CCDC170: variants seen among roughly 807,000 people sequenced by gnomAD.
The protein encoded by CCDC170 is coiled-coil domain containing 170, also known as coiled-coil domain-containing protein 170.
CCDC170 carries 69 observed loss-of-function variants against 72.6 expected under a neutral mutation model. The ratio of observed to expected loss-of-function variants is 0.95; its 90% CI spans 0.78 to 1.16. The LOEUF is 1.16. Ranked by LOEUF, CCDC170 falls within the 50% of genes most tolerant of loss-of-function variation. CCDC170 has a pLI of 0.00. For missense variants in CCDC170, 852 were observed against 832.5 expected (o/e 1.02, Z -0.29); for synonymous variants, 300 against 303.9 (o/e 0.99, Z 0.13).
chr6:151,516,303 A>G (rs969577971), intron 1 of CCDC170, among the ~76,000 whole-genome samples: 1 of 152,184 alleles, frequency 6.6e-6, no homozygotes, highest in Non-Finnish European at 1.5e-5. Context: ...TCCATTTTCC[A>G]TCAAGGCTTG....
At chr6:151,547,244 G>A (rs1782790849) in intron 4 of CCDC170, among the ~76,000 whole-genome samples, 1 of 152,188 alleles carries the variant, frequency 6.6e-6, no homozygotes, top group Non-Finnish European at 1.5e-5. Flanking sequence ...ACTGTTCTGA[G>A]TGCTGGAGAG....
At chr6:151,518,532 GT>G (rs1782268887) in intron 1 of CCDC170, among the ~76,000 whole-genome samples, 1 of 152,206 alleles carries the variant, frequency 6.6e-6, no homozygotes, top group African/African-American at 2.4e-5. Context: ...TATTAATAAA[GT>G]AAAGGAATAA....
chr6:151,593,365 T>G, intron 8 of CCDC170, 85 bp downstream of exon 8: 1 of 1,380,138 alleles, frequency 7.2e-7, no homozygotes, highest in Non-Finnish European at 1.0e-6. Flanking sequence ...TGCCACCATG[T>G]TTACCAGTGT....
chr6:151,573,456 C>T lies in CCDC170; in HGVS notation c.1057C>T (p.Arg353Ter), dbSNP rs751935416. ...TGAGGACACCATTTTGGAGAAGATT[C>T]GAGAAATGGACAGCCGGGAAGAAAG... ...STEDTILEKIREMDSREESRD... is the reference protein window; with the variant it reads ...STEDTILEKI Residue 353 changes from arginine to a stop codon, truncating the protein, a stop_gained, in exon 6 of 11, where the codon CGA (arginine) becomes TGA (stop). Transcript: ENST00000239374. LOFTEE classifies it high-confidence loss of function. The T allele has an allele frequency of 4.2e-5, 68 of 1,613,856 alleles. No homozygotes were observed. Among genetic ancestry groups the T allele is most frequent in the African/African-American group, 6.7e-5 (5 of 74,862 alleles).
chr6:151,577,911 A>G (rs1776327060), intron 6 of CCDC170, among the ~76,000 whole-genome samples: 1 of 152,232 alleles, frequency 6.6e-6, no homozygotes, highest in African/African-American at 2.4e-5. Flanking sequence ...TTCTGACACA[A>G]AAATTGTCAT....
intron 5 of CCDC170, among the ~76,000 whole-genome samples, chr6:151,549,024 C>G: frequency 6.6e-6 from 1 of 152,264 alleles, no homozygotes; most frequent in South Asian, 2.1e-4. Context: ...CTCAGCCTCC[C>G]GAGTAGCTGG....
chr6:151,519,387 T>C (rs1782285371), intron 1 of CCDC170, among the ~76,000 whole-genome samples: 1 of 152,196 alleles, frequency 6.6e-6, no homozygotes, highest in African/African-American at 2.4e-5. Context: ...ACCCTATGGT[T>C]GTCTTCCCTT....
intron 8 of CCDC170, among the ~76,000 whole-genome samples, chr6:151,595,259 T>C (rs73780809): frequency 0.081 from 12,371 of 152,128 alleles, 546 homozygotes; most frequent in African/African-American, 0.11. Context: ...ATGTGGAGCC[T>C]AGGAAGCTTC....
At chr6:151,594,646 C>T (rs1339451967) in intron 8 of CCDC170, among the ~76,000 whole-genome samples, 1 of 149,024 alleles carries the variant, frequency 6.7e-6, no homozygotes, top group Non-Finnish European at 1.5e-5. Flanking sequence ...GTGGAATTTT[C>T]TTTTCTTTTC....
chr6:151,578,867 G>C (rs931553690), intron 6 of CCDC170, among the ~76,000 whole-genome samples: 3 of 152,176 alleles, frequency 2.0e-5, no homozygotes, highest in Non-Finnish European at 4.4e-5. Context: ...TCTTTCTTCA[G>C]TGTAGAACTT....
rs763833974 is a variant in CCDC170, at chr6:151,536,376, G to C, written c.116G>C (p.Arg39Pro). The C allele has an allele frequency of 2.5e-6, 4 of 1,614,004 alleles. No individual in the cohort carries two copies. The African/African-American group carries it at 5.3e-5, about 22-fold the overall frequency. Reference protein sequence around the residue: ...PVTREQLNHYRNVAQNARSEL... With the variant: ...PVTREQLNHYPNVAQNARSEL... Reference sequence around the variant, plus strand: ...ACGCGGGAGCAGTTAAACCACTATCGGAATGTGGCTCAAAATGCTCGAAGT... The same window carrying C: ...ACGCGGGAGCAGTTAAACCACTATCCGAATGTGGCTCAAAATGCTCGAAGT... Residue 39 changes from arginine (R) to proline (P), a missense_variant, in exon 2 of 11, where the codon CGG becomes CCG. Transcript: ENST00000239374.
At chr6:151,582,894 A>G (rs1776397704) in intron 6 of CCDC170, among the ~76,000 whole-genome samples, 1 of 151,856 alleles carries the variant, frequency 6.6e-6, no homozygotes, top group Non-Finnish European at 1.5e-5. Flanking sequence ...ATCTCCCACT[A>G]GGCCCACCTC....
intron 9 of CCDC170, among the ~76,000 whole-genome samples, chr6:151,597,651 C>A (rs1776646062): frequency 6.6e-6 from 1 of 152,194 alleles, no homozygotes; most frequent in Admixed American, 6.5e-5. Context: ...GTCACCAGAA[C>A]TGGGGAGACA....
At chr6:151,558,390 C>T (rs1783023231) in intron 5 of CCDC170, among the ~76,000 whole-genome samples, 1 of 151,896 alleles carries the variant, frequency 6.6e-6, no homozygotes, top group South Asian at 2.1e-4. Flanking sequence ...TGTGTAGAGG[C>T]TTTTTAGTTT....
chr6:151,568,161 A>G (rs1221516683), intron 5 of CCDC170, among the ~76,000 whole-genome samples: 1 of 150,160 alleles, frequency 6.7e-6, no homozygotes, highest in Non-Finnish European at 1.5e-5. Flanking sequence ...ATGTTGCATC[A>G]GTGTCAACTT....
chr6:151,520,109 C>A (rs1782295833), intron 1 of CCDC170, among the ~76,000 whole-genome samples: 1 of 152,228 alleles, frequency 6.6e-6, no homozygotes, highest in African/African-American at 2.4e-5. Context: ...ATGCCTCTGA[C>A]ACATTCATTC....
At chr6:151,526,164 C>T (rs1426502061) in intron 1 of CCDC170, among the ~76,000 whole-genome samples, 1 of 149,546 alleles carries the variant, frequency 6.7e-6, no homozygotes, top group East Asian at 2.0e-4. Flanking sequence ...TCCTTCCCTC[C>T]TTCCTTCTCT....
At chr6:151,509,183 T>TC (rs1313508432) in intron 1 of CCDC170, among the ~76,000 whole-genome samples, 1 of 151,496 alleles carries the variant, frequency 6.6e-6, no homozygotes, top group Non-Finnish European at 1.5e-5. Context: ...TCTCTCTCTC[T>TC]CCCCCCTTTC....
chr6:151,529,168 A>T (rs1157128271), intron 1 of CCDC170, among the ~76,000 whole-genome samples: 1 of 152,212 alleles, frequency 6.6e-6, no homozygotes, highest in Non-Finnish European at 1.5e-5. Context: ...TATGAAAAAC[A>T]GTAACAAACA....
Sources: allele counts gnomAD v4.1 joint callset (sites outside exome capture counted in the v4.1 genomes callset), GRCh38; gene constraint gnomAD v4.1.1; transcripts MANE v1.5; gene names NCBI Gene and HGNC (gene_info 2026-07-23, HGNC 2026-07-21).